The following IKBKB-DT variants were observed in gnomAD, a reference collection of about 807,000 sequenced individuals.
IKBKB-DT encodes IKBKB antisense RNA.
intron 3 of IKBKB-DT, among the ~76,000 whole-genome samples, chr8:42,259,999 A>G (rs1323092224): frequency 6.6e-6 from 1 of 151,624 alleles, no homozygotes; most frequent in Non-Finnish European, 1.5e-5. Context: ...AAAAAACAAA[A>G]AAAAAAGAGA....
At chr8:42,238,790 C>T (rs1350505228) in intron 3 of IKBKB-DT, among the ~76,000 whole-genome samples, 1 of 152,164 alleles carries the variant, frequency 6.6e-6, no homozygotes, top group East Asian at 1.9e-4. Flanking sequence ...ACTTACTTAG[C>T]ACGAGGGCTC....
intron 2 of IKBKB-DT, among the ~76,000 whole-genome samples, chr8:42,263,901 T>C (rs1472284645): frequency 6.6e-6 from 1 of 152,184 alleles, no homozygotes; most frequent in Non-Finnish European, 1.5e-5. Flanking sequence ...AACCTCTGCC[T>C]CCTGGGTTCA....
intron 3 of IKBKB-DT, among the ~76,000 whole-genome samples, chr8:42,245,126 G>A (rs1221427472): frequency 1.3e-5 from 2 of 152,066 alleles, no homozygotes; most frequent in Non-Finnish European, 2.9e-5. Flanking sequence ...GTGGTGGCAC[G>A]TGCCTGCAGT....
chr8:42,237,341 C>G lies in IKBKB-DT; in HGVS notation n.1530-3482G>C, dbSNP rs537205030. 1.1e-4 allele frequency among the ~76,000 whole-genome samples: 17 copies of G among 152,264 alleles called. No individual in the cohort carries two copies. The South Asian group carries it at 2.5e-3, about 22-fold the overall frequency. ...ATCTCAGGTGATCCTCCTGCCTTGGCCTCCCAAAGTGCTGGGATTCCAGGC... is the reference window on the plus strand; with the variant it reads ...ATCTCAGGTGATCCTCCTGCCTTGGGCTCCCAAAGTGCTGGGATTCCAGGC... On this transcript the variant is annotated intron_variant and non_coding_transcript_variant, in intron 3 of 3. Coordinates refer to ENST00000518213, the Ensembl canonical transcript of IKBKB-DT.
At chr8:42,234,579 A>G (rs1160987152) in intron 3 of IKBKB-DT, among the ~76,000 whole-genome samples, 1 of 152,176 alleles carries the variant, frequency 6.6e-6, no homozygotes, top group African/African-American at 2.4e-5. Flanking sequence ...GCATGGACCA[A>G]GCTAACTTTG....
intron 3 of IKBKB-DT, among the ~76,000 whole-genome samples, chr8:42,251,828 C>CAAAAAAAAAAAAAAAAAAAAAA (rs59420104): frequency 1.4e-4 from 13 of 91,454 alleles, no homozygotes; most frequent in African/African-American, 4.7e-4. Flanking sequence ...GACTCCATCT[C>CAAAAAAAAAAAAAAAAAAAAAA]AAAAAAAAAA....
chr8:42,236,841 C>A (rs1187562212), intron 3 of IKBKB-DT, among the ~76,000 whole-genome samples: 2 of 152,130 alleles, frequency 1.3e-5, no homozygotes, highest in East Asian at 3.8e-4. Context: ...AGAGCAAATA[C>A]AAAAACTAAC....
At chr8:42,245,813 C>G (rs1241646408) in intron 3 of IKBKB-DT, among the ~76,000 whole-genome samples, 1 of 152,146 alleles carries the variant, frequency 6.6e-6, no homozygotes, top group East Asian at 1.9e-4. Context: ...TCTGAAGCAG[C>G]CATTTCACCT....
At chr8:42,246,185 T>A (rs890652006) in intron 3 of IKBKB-DT, among the ~76,000 whole-genome samples, 8 of 152,244 alleles carry the variant, frequency 5.3e-5, no homozygotes, top group Admixed American at 4.6e-4. Flanking sequence ...TGCAGGGGCA[T>A]GCCACCATGC....
At chr8:42,248,835 C>T (rs1257833799) in intron 3 of IKBKB-DT, among the ~76,000 whole-genome samples, 4 of 151,160 alleles carry the variant, frequency 2.6e-5, no homozygotes, top group South Asian at 2.1e-4. Context: ...TGAGATCGTG[C>T]CCCTGTACTC....
chr8:42,243,700 A>G (rs1343598504), intron 3 of IKBKB-DT, among the ~76,000 whole-genome samples: 1 of 152,228 alleles, frequency 6.6e-6, no homozygotes, highest in African/African-American at 2.4e-5. Context: ...GACGGACAGT[A>G]CTCACAGGAA....
At chr8:42,257,754 G>C (rs951058116) in intron 3 of IKBKB-DT, among the ~76,000 whole-genome samples, 2 of 151,926 alleles carry the variant, frequency 1.3e-5, no homozygotes, top group African/African-American at 4.8e-5. Flanking sequence ...GGCAGCATAG[G>C]AGGAGACCTT....
chr8:42,242,620 C>T (rs1415918733), intron 3 of IKBKB-DT, among the ~76,000 whole-genome samples: 3 of 152,212 alleles, frequency 2.0e-5, no homozygotes, highest in Admixed American at 2.0e-4. Context: ...TCCATTTGGC[C>T]TGGTCGCTAG....
chr8:42,258,420 C>T (rs924919920), intron 3 of IKBKB-DT, among the ~76,000 whole-genome samples: 2 of 151,648 alleles, frequency 1.3e-5, no homozygotes, highest in African/African-American at 4.8e-5. Flanking sequence ...GCTGGGACTA[C>T]AGGCATGTGC....
rs889044435 is a variant in IKBKB-DT at position 42,237,212 on chromosome 8, G to A, written n.1530-3353C>T. On this transcript the variant is annotated intron_variant and non_coding_transcript_variant, in intron 3 of 3. Transcript: ENST00000518213. ...AGCGATCCTCCTGCCTTAGCCTCCC[G>A]AGTAGCTGGGATTACAGGTGCCCAT... is the stretch of plus-strand genomic sequence containing the variant. Among the ~76,000 whole-genome samples the A allele has an allele frequency of 7.2e-5, 11 of 151,844 alleles. No homozygotes were observed. The South Asian group carries it at 1.3e-3, about 17-fold the overall frequency.
intron 3 of IKBKB-DT, among the ~76,000 whole-genome samples, chr8:42,242,292 T>C (rs2129907048): frequency 1.0e-5 from 1 of 98,562 alleles, no homozygotes; most frequent in South Asian, 3.3e-4. Flanking sequence ...TATAGCATCA[T>C]CCCTGTGGTT....
chr8:42,251,633 C>T (rs1474090681), intron 3 of IKBKB-DT, among the ~76,000 whole-genome samples: 3 of 151,946 alleles, frequency 2.0e-5, no homozygotes, highest in African/African-American at 4.8e-5. Context: ...AGAAGGAAAA[C>T]TTTGAAGAGG....
chr8:42,236,306 T>G (rs1195118869), intron 3 of IKBKB-DT, among the ~76,000 whole-genome samples: 2 of 151,822 alleles, frequency 1.3e-5, no homozygotes, highest in Non-Finnish European at 2.9e-5. Context: ...TGGCTACTTC[T>G]TTTTCAGCCA....
At chr8:42,259,559 T>C (rs1457262298) in intron 3 of IKBKB-DT, among the ~76,000 whole-genome samples, 1 of 152,228 alleles carries the variant, frequency 6.6e-6, no homozygotes, top group Non-Finnish European at 1.5e-5. Flanking sequence ...GAACCATTTT[T>C]AGTAGACATG....
Sources: gnomAD v4.1 joint callset for allele counts (sites outside exome capture counted in the v4.1 genomes callset) on GRCh38, gnomAD v4.1.1 for gene constraint, MANE v1.5 for transcripts, NCBI Gene and HGNC (gene_info 2026-07-23, HGNC 2026-07-21) for gene names.